Variants in ADAMTS12 observed in about 807,000 individuals in gnomAD.
ADAMTS12 encodes A disintegrin and metalloproteinase with thrombospondin motifs 12.
Under a neutral mutation model 167.8 loss-of-function variants are expected in ADAMTS12, and 118 were observed. The observed-to-expected ratio is 0.70, with a 90% CI of 0.61 to 0.82. ADAMTS12 has a LOEUF of 0.82. Among genes scored for constraint, ADAMTS12 ranks in the 40% least tolerant of loss-of-function variants. The pLI, the probability that ADAMTS12 is intolerant of heterozygous loss-of-function variation, is 0.00. For synonymous variants in ADAMTS12, 704 were observed against 716.9 expected, an observed-to-expected ratio of 0.98 and a Z score of 0.29; for missense variants, 1,916 against 1,998.8, an observed-to-expected ratio of 0.96 and a Z score of 0.79.
chr5:33,578,407 C>T (rs918803897), intron 18 of ADAMTS12, among the ~76,000 whole-genome samples: 1 of 152,154 alleles, frequency 6.6e-6, no homozygotes. Context: ...TATTTTTACC[C>T]CCATCCCCAA....
At chr5:33,718,873 G>A (rs1743705615) in intron 3 of ADAMTS12, among the ~76,000 whole-genome samples, 1 of 152,148 alleles carries the variant, frequency 6.6e-6, no homozygotes, top group African/African-American at 2.4e-5. Context: ...CTTGGTTTAT[G>A]ATTGGCTTGA....
chr5:33,627,949 G>GAC (rs57588515), intron 13 of ADAMTS12, among the ~76,000 whole-genome samples: 53,017 of 151,938 alleles, frequency 0.35, 10,340 homozygotes, highest in African/African-American at 0.54. Flanking sequence ...ACTTTGTAAG[G>GAC]ACACATGCAT....
chr5:33,842,859 G>A (rs954951067), intron 2 of ADAMTS12, among the ~76,000 whole-genome samples: 9 of 152,208 alleles, frequency 5.9e-5, no homozygotes, highest in Non-Finnish European at 1.2e-4. Context: ...AAAAGACAGA[G>A]CCAGACTTGG....
chr5:33,724,933 T>C (rs1024765929), intron 3 of ADAMTS12, among the ~76,000 whole-genome samples: 2 of 152,146 alleles, frequency 1.3e-5, no homozygotes, highest in Non-Finnish European at 2.9e-5. Flanking sequence ...CAAAAACTCT[T>C]TCCAATCTCA....
At position 33,698,976 on chromosome 5, in the gene ADAMTS12, G is replaced by A. The variant is rs796396350; in HGVS notation, c.635-14921C>T. ...GTTCGAGACAAGCCTGGCCAACATGGTGAAACCCCGTCTCAACTAAAACTA... is the reference window on the plus strand; with the variant it reads ...GTTCGAGACAAGCCTGGCCAACATGATGAAACCCCGTCTCAACTAAAACTA... On this transcript the variant is annotated intron_variant, in intron 3 of 23. Coordinates refer to ENST00000504830, the MANE Select transcript of ADAMTS12 (RefSeq NM_030955.4). Among the ~76,000 whole-genome samples, 26 of 151,822 alleles carry A rather than the reference G, an allele frequency of 1.7e-4. 1 individual carries two copies. Among genetic ancestry groups the A allele is most frequent in the African/African-American group, 6.0e-4 (25 of 41,384 alleles).
At chr5:33,554,480 G>A (rs1745400994) in intron 20 of ADAMTS12, among the ~76,000 whole-genome samples, 1 of 152,186 alleles carries the variant, frequency 6.6e-6, no homozygotes, top group African/African-American at 2.4e-5. Flanking sequence ...GGGGTGTCAA[G>A]AGAGTGTGAT....
intron 3 of ADAMTS12, among the ~76,000 whole-genome samples, chr5:33,701,213 T>C (rs913067347): frequency 6.6e-6 from 1 of 152,230 alleles, no homozygotes; most frequent in Non-Finnish European, 1.5e-5. Context: ...AGCAGGACTG[T>C]CATCTACTAA....
chr5:33,685,635 A>C (rs1742296400), intron 3 of ADAMTS12, among the ~76,000 whole-genome samples: 1 of 152,256 alleles, frequency 6.6e-6, no homozygotes, highest in Admixed American at 6.5e-5. Context: ...CTTCAAAATA[A>C]TAATGCTGTA....
intron 16 of ADAMTS12, among the ~76,000 whole-genome samples, chr5:33,604,061 T>A (rs1344981411): frequency 6.6e-6 from 1 of 152,216 alleles, no homozygotes; most frequent in Non-Finnish European, 1.5e-5. Context: ...AAGTAAACTG[T>A]AACCAAGGAA....
chr5:33,652,671 G>A (rs1450092564), intron 7 of ADAMTS12, among the ~76,000 whole-genome samples: 1 of 152,048 alleles, frequency 6.6e-6, no homozygotes, highest in Non-Finnish European at 1.5e-5. Flanking sequence ...TGCTGCATTT[G>A]CTTTTAAGGT....
At chr5:33,741,503 G>A (rs1177348045) in intron 3 of ADAMTS12, among the ~76,000 whole-genome samples, 3 of 152,100 alleles carry the variant, frequency 2.0e-5, no homozygotes, top group African/African-American at 7.2e-5. Flanking sequence ...CACATTCTGA[G>A]GTCCTGGGGG....
At position 33,626,447 on chromosome 5, in the gene ADAMTS12, T is replaced by A. The variant is rs562612592; in HGVS notation, c.2023-2096A>T. Among the ~76,000 whole-genome samples the A allele has an allele frequency of 4.0e-5, 6 of 148,384 alleles. No homozygotes were observed. In the South Asian group the frequency reaches 1.3e-3, roughly 32 times the overall value. On this transcript the variant is annotated intron_variant, in intron 13 of 23. Transcript: ENST00000504830. The stretch of plus-strand genomic sequence containing the variant: ...GTGATGTGGTAGTGATGGTAGTGAT[T>A]TGATGGTAATAATGGTGGTGGTGGT...
At chr5:33,591,499 T>C (rs1288473403) in intron 17 of ADAMTS12, among the ~76,000 whole-genome samples, 1 of 152,204 alleles carries the variant, frequency 6.6e-6, no homozygotes, top group East Asian at 1.9e-4. Flanking sequence ...CATTCCAAAA[T>C]CCGATTCAAC....
At chr5:33,655,737 C>G (rs932357299) in intron 7 of ADAMTS12, among the ~76,000 whole-genome samples, 2 of 151,164 alleles carry the variant, frequency 1.3e-5, no homozygotes, top group African/African-American at 4.9e-5. Flanking sequence ...TTTGCTGCAC[C>G]CATCAACTCA....
intron 14 of ADAMTS12, among the ~76,000 whole-genome samples, chr5:33,619,641 A>G (rs1173876074): frequency 1.6e-4 from 24 of 152,158 alleles, no homozygotes; most frequent in Admixed American, 1.6e-3. Flanking sequence ...TTAAGTTGTC[A>G]TATAATAACT....
intron 3 of ADAMTS12, among the ~76,000 whole-genome samples, chr5:33,717,426 A>C (rs1743654289): frequency 6.6e-6 from 1 of 152,192 alleles, no homozygotes. Flanking sequence ...TGCTTTGCAT[A>C]TATTAATTCA....
chr5:33,776,855 A>C (rs1408710586), intron 2 of ADAMTS12, among the ~76,000 whole-genome samples: 1 of 152,138 alleles, frequency 6.6e-6, no homozygotes, highest in East Asian at 1.9e-4. Context: ...ATTTCAGTTG[A>C]TACCACATAA....
chr5:33,786,570 A>G (rs1746333896), intron 2 of ADAMTS12, among the ~76,000 whole-genome samples: 1 of 152,078 alleles, frequency 6.6e-6, no homozygotes, highest in African/African-American at 2.4e-5. Context: ...AATGTTCCCC[A>G]AATGATTCTG....
intron 9 of ADAMTS12, among the ~76,000 whole-genome samples, chr5:33,647,328 T>C (rs968534938): frequency 5.3e-5 from 8 of 152,166 alleles, no homozygotes; most frequent in Admixed American, 5.2e-4. Flanking sequence ...GATTTCCATT[T>C]ATAAAGGTTA....
Sources: gnomAD v4.1 joint callset for allele counts (sites outside exome capture counted in the v4.1 genomes callset) on GRCh38, gnomAD v4.1.1 for gene constraint, MANE v1.5 for transcripts, NCBI Gene and HGNC (gene_info 2026-07-23, HGNC 2026-07-21) for gene names.